The following IHH variants were observed in gnomAD, a reference collection of about 807,000 sequenced individuals.
IHH encodes the protein Indian hedgehog signaling molecule, also known as indian hedgehog protein.
In IHH, 9 loss-of-function variants were observed where a neutral mutation model predicts 29.4. That is an observed-to-expected ratio of 0.31 (90% confidence interval 0.18 to 0.53). The LOEUF is 0.53. Ranked by LOEUF, IHH falls within the 20% of genes least tolerant of loss-of-function variation. IHH has a pLI of 0.95. For missense variants in IHH, 454 were observed against 578.1 expected (o/e 0.79, Z 2.20); for synonymous variants, 254 against 252.7 (o/e 1.01, Z -0.05).
Position 219,055,168 on chromosome 2 carries a change from C to T in IHH, c.*39G>A. 1 of 1,549,792 alleles carries T rather than the reference C, an allele frequency of 6.5e-7. No homozygotes were observed. Among genetic ancestry groups the T allele is most frequent in the Non-Finnish European group, 8.7e-7 (1 of 1,146,372 alleles). On this transcript the variant is annotated 3_prime_UTR_variant, in exon 3 of 3. Coordinates refer to ENST00000295731, the MANE Select transcript of IHH (RefSeq NM_002181.4). The stretch of plus-strand genomic sequence containing the variant: ...CCTCCTGGCTGAGAGGCTTCTGGAC[C>T]CAGTACAGCAGTTCCAGGAGGGCAG...
chr2:219,060,123 C>T lies in IHH; in HGVS notation c.315+30G>A, dbSNP rs753602386. 8.2e-6 allele frequency: 13 copies of T among 1,586,086 alleles called. No individual in the cohort carries two copies. In the South Asian group the frequency reaches 1.2e-4, roughly 15 times the overall value. ...CGGGCAGGTGGCCGTGCTTCGGTGGCGGCGCGCTGGTAGGGCGGATCGCGC... is the reference window on the plus strand; with the variant it reads ...CGGGCAGGTGGCCGTGCTTCGGTGGTGGCGCGCTGGTAGGGCGGATCGCGC... On this transcript the variant is annotated intron_variant, in intron 1 of 2. Coordinates refer to ENST00000295731, the MANE Select transcript of IHH (RefSeq NM_002181.4). This position sits in a 1 kb window ranked among gnomAD's most constrained non-coding sequence, Gnocchi z 8.8.
rs200792119 is a variant in IHH, at chr2:219,055,627, T to C, written c.816A>G (p.Thr272=). 4.2e-5 allele frequency: 68 copies of C among 1,613,806 alleles called. No homozygotes were observed. The East Asian group carries it at 1.5e-3, about 36-fold the overall frequency. The change falls in exon 3 of 3, where the codon ACA becomes ACG. Residue 272 remains threonine, a synonymous_variant. Transcript: ENST00000295731. ...TQDPPRRLAL[T]PAHLLFTADN... ...CAGCCGTAAAGAGCAGGTGAGCGGG[T>C]GTGAGTGCCAGGCGGCGTGGGGGGT...
At position 219,059,991 on chromosome 2, in the gene IHH, C is replaced by T. The variant is rs1948866198; in HGVS notation, c.315+162G>A. 6.6e-6 allele frequency among the ~76,000 whole-genome samples: 1 copy of T among 152,132 alleles called. No homozygotes were observed. Among genetic ancestry groups the T allele is most frequent in the Non-Finnish European group, 1.5e-5 (1 of 68,010 alleles). ...GGGATGCCGACACTCCTGCCTGGAC[C>T]CCTGGCCAGCCCATCTTGGGCAGGA... On this transcript the variant is annotated intron_variant, in intron 1 of 2. Coordinates refer to ENST00000295731, the MANE Select transcript of IHH (RefSeq NM_002181.4). The surrounding 1 kb of genome is among the most constrained non-coding windows in gnomAD (Gnocchi z 4.7).
Position 219,057,790 on chromosome 2 carries a change from C to T in IHH, c.316-96G>A, listed in dbSNP as rs533201998. 1.2e-4 allele frequency: 184 copies of T among 1,519,336 alleles called. 3 individuals are homozygous for T. In the South Asian group the frequency reaches 1.8e-3, roughly 15 times the overall value. The allele number at this position is 1,519,336 out of a possible 1,614,324, so 94.1% of individuals were successfully genotyped here. On this transcript the variant is annotated intron_variant, in intron 1 of 2. Coordinates refer to ENST00000295731, the MANE Select transcript of IHH (RefSeq NM_002181.4). ...AGGCGCAGCCTCGCCCAGAACTCTC[C>T]CGCCACACCCAAGGGAGCTGGAAGC... is the stretch of plus-strand genomic sequence containing the variant.
At chr2:219,057,383 C>G in intron 2 of IHH, 50 bp downstream of exon 2, 1 of 1,548,072 alleles carries the variant, frequency 6.5e-7, no homozygotes, top group Non-Finnish European at 8.7e-7. Context: ...CTCCTCCTGC[C>G]CATGCCCTGC....
rs771656568 is a variant in IHH at position 219,055,370 on chromosome 2, T to G, written c.1073A>C (p.Gln358Pro). ...GAGTCTCAGGGGCCAGAAGGCCAAC[T>G]GAGCCAGGTGGTGGTCAGCCACGGC... ...FAAVADHHLA[Q>P]LAFWPLRLFH... The change falls in exon 3 of 3, where the codon CAG becomes CCG. Residue 358 changes from glutamine (Q) to proline (P), a missense_variant. Gln to Pro is a moderately conservative substitution (Grantham distance 76). Coordinates refer to ENST00000295731, the MANE Select transcript of IHH (RefSeq NM_002181.4). The G allele has an allele frequency of 1.9e-6, 3 of 1,613,238 alleles. No individual in the cohort carries two copies. The highest frequency in any genetic ancestry group is 1.7e-6 in the Non-Finnish European group (2 of 1,180,024).
chr2:219,060,599 G>C lies in IHH; in HGVS notation c.-132C>G, dbSNP rs1411585642. ...GGCTCCAGGCGGGGGCGCCATGGGC[G>C]GCGTGGTGCGGCCAGGGCCGGCGGG... On this transcript the variant is annotated 5_prime_UTR_variant, in exon 1 of 3. Coordinates refer to ENST00000295731, the MANE Select transcript of IHH (RefSeq NM_002181.4). The surrounding 1 kb of genome is among the most constrained non-coding windows in gnomAD (Gnocchi z 8.8). 2.0e-5 allele frequency: 10 copies of C among 505,336 alleles called. No individual in the cohort carries two copies. Among genetic ancestry groups the C allele is most frequent in the South Asian group, 1.4e-4 (2 of 14,294 alleles). The allele number at this position is 505,336 out of a possible 1,614,324, so 31.3% of individuals were successfully genotyped here. A position where few individuals can be genotyped will look rare whatever the true frequency, so the allele number is the denominator to read the frequency against.
rs763525609 is a variant in IHH at position 219,060,327 on chromosome 2, G to A, written c.141C>T (p.Leu47=). The change falls in exon 1 of 3, where the codon CTC becomes CTT. Residue 47 remains leucine (L), a synonymous_variant. Transcript: ENST00000295731. This position sits in a 1 kb window ranked among gnomAD's most constrained non-coding sequence, Gnocchi z 8.8. ...RRRPPRKLVP[L]AYKQFSPNVP... Reference sequence around the variant, plus strand: ...CATTGGGGCTGAACTGCTTGTAGGCGAGCGGCACGAGTTTGCGTGGCGGTC... The same window carrying A: ...CATTGGGGCTGAACTGCTTGTAGGCAAGCGGCACGAGTTTGCGTGGCGGTC... The A allele has an allele frequency of 3.1e-6, 5 of 1,611,252 alleles. No individual in the cohort carries two copies. In the South Asian group the frequency reaches 3.3e-5, roughly 11 times the overall value.
At chr2:219,057,868 C>T (rs889769266) in intron 1 of IHH, among the ~76,000 whole-genome samples, 174 bp from the exon 2 acceptor site, 2 of 152,256 alleles carry the variant, frequency 1.3e-5, no homozygotes, top group African/African-American at 4.8e-5. Context: ...GAAGTGCTCC[C>T]TCCCTAGCAT....
rs1385423703 is a variant in IHH at position 219,059,127 on chromosome 2, CG to C, written c.315+1025del. On this transcript the variant is annotated intron_variant, in intron 1 of 2. Coordinates refer to ENST00000295731, the MANE Select transcript of IHH (RefSeq NM_002181.4). This position sits in a 1 kb window ranked among gnomAD's most constrained non-coding sequence, Gnocchi z 4.7. ...CCGGATCCTTATCTGCATTCCTCGG[CG>C]CCCGGCCCGGCCCGGCCACCAGCCA... Among the ~76,000 whole-genome samples, 3 of 152,224 alleles carry C rather than the reference CG, an allele frequency of 2.0e-5. No homozygotes were observed. The East Asian group carries it at 5.8e-4, about 29-fold the overall frequency.
chr2:219,055,825 G>C lies in IHH; in HGVS notation c.618C>G (p.Ala206=). ...AAAKTGGCFP[A]GAQVRLESGA... ...CACTCTCCAGGCGTACCTGGGCTCC[G>C]GCAGGGAAGCAGCCGCCCGTCTTGG... Residue 206 remains alanine, a synonymous_variant, in exon 3 of 3, where the codon GCC becomes GCG. Coordinates refer to ENST00000295731, the MANE Select transcript of IHH (RefSeq NM_002181.4). 1 of 1,611,814 alleles carries C rather than the reference G, an allele frequency of 6.2e-7. No homozygotes were observed. Among genetic ancestry groups the C allele is most frequent in the Middle Eastern group, 1.7e-4 (1 of 6,058 alleles).
rs1948816288 is a variant in IHH, at chr2:219,054,961, C to G, written c.*246G>C. The G allele has an allele frequency of 1.8e-6, 1 of 570,276 alleles. No homozygotes were observed. The highest frequency in any genetic ancestry group is 3.1e-6 in the Non-Finnish European group (1 of 318,486). The allele number at this position is 570,276 out of a possible 1,614,324, so 35.3% of individuals were successfully genotyped here. A position where few individuals can be genotyped will look rare whatever the true frequency, so the allele number is the denominator to read the frequency against. ...GGAGTCGCCGTGCCAGCCTCAAGGTCTCTAGGAGAGAGGGGTCAACAACCA... is the reference window on the plus strand; with the variant it reads ...GGAGTCGCCGTGCCAGCCTCAAGGTGTCTAGGAGAGAGGGGTCAACAACCA... On this transcript the variant is annotated 3_prime_UTR_variant, in exon 3 of 3. Coordinates refer to ENST00000295731, the MANE Select transcript of IHH (RefSeq NM_002181.4).
chr2:219,057,062 G>T (rs1427612102), intron 2 of IHH, among the ~76,000 whole-genome samples: 1 of 152,196 alleles, frequency 6.6e-6, no homozygotes, highest in Non-Finnish European at 1.5e-5. Context: ...CCCGGCTCCT[G>T]GCCCCACCAC....
rs1325176864 is a variant in IHH at position 219,059,534 on chromosome 2, A to G, written c.315+619T>C. ...CAATAACCCACCCTTCCACCGCAGT[A>G]GCACCCCTCAGCTCTCCGGACAGAC... On this transcript the variant is annotated intron_variant, in intron 1 of 2. Coordinates refer to ENST00000295731, the MANE Select transcript of IHH (RefSeq NM_002181.4). This position sits in a 1 kb window ranked among gnomAD's most constrained non-coding sequence, Gnocchi z 4.7. Among the ~76,000 whole-genome samples the G allele has an allele frequency of 6.6e-6, 1 of 152,048 alleles. No individual in the cohort carries two copies. The highest frequency in any genetic ancestry group is 1.5e-5 in the Non-Finnish European group (1 of 67,982).
intron 1 of IHH, chr2:219,058,839 C>G (rs1008776178): frequency 1.3e-5 from 2 of 154,978 alleles, no homozygotes; most frequent in African/African-American, 4.8e-5. Flanking sequence ...CTCACAGACC[C>G]TTGGACTCAG....
In IHH at chr2:219,054,725, C is replaced by T; in HGVS notation, c.*482G>A. 5.7e-6 allele frequency: 1 copy of T among 176,908 alleles called. No individual in the cohort carries two copies. Among genetic ancestry groups the T allele is most frequent in the Non-Finnish European group, 1.2e-5 (1 of 83,052 alleles). 11.0% of individuals were successfully genotyped at this position (176,908 alleles called of 1,614,324 possible). On this transcript the variant is annotated 3_prime_UTR_variant, in exon 3 of 3. Coordinates refer to ENST00000295731, the MANE Select transcript of IHH (RefSeq NM_002181.4). ...AGTGTGGCCGGGGAGGAATGTCATA[C>T]CTCAGAATGGCCGGGATGGCTGCCC...
At position 219,057,614 on chromosome 2, in the gene IHH, G is replaced by A; in HGVS notation, c.396C>T (p.Gly132=). 1.2e-6 allele frequency: 2 copies of A among 1,613,892 alleles called. No homozygotes were observed. The highest frequency in any genetic ancestry group is 1.7e-6 in the Non-Finnish European group (2 of 1,180,040). ...CTGAGTGGTGGCCGTCCTCGTCCCA[G>A]CCCTCGGTCACCCGCAGCTTCACAC... ...WPGVKLRVTE[G]WDEDGHHSEE... Residue 132 remains glycine, a synonymous_variant, in exon 2 of 3, where the codon GGC becomes GGT. Transcript: ENST00000295731.
At chr2:219,056,706 C>T (rs1948835792) in intron 2 of IHH, among the ~76,000 whole-genome samples, 1 of 152,130 alleles carries the variant, frequency 6.6e-6, no homozygotes, top group South Asian at 2.1e-4. Context: ...AAAGGCTGAG[C>T]CGGCAGCCAG....
At position 219,055,594 on chromosome 2, in the gene IHH, G is replaced by A. The variant is rs1457337975; in HGVS notation, c.849C>T (p.His283=). 32 of 1,613,840 alleles carry A rather than the reference G, an allele frequency of 2.0e-5. No individual in the cohort carries two copies. In the East Asian group the frequency reaches 6.9e-4, roughly 35 times the overall value. The change falls in exon 3 of 3, where the codon CAC becomes CAT. Residue 283 remains histidine (H), a synonymous_variant. Coordinates refer to ENST00000295731, the MANE Select transcript of IHH (RefSeq NM_002181.4). ...CCCGGAAGCGGGCTGCCGGCTCCGT[G>A]TGATTGTCAGCCGTAAAGAGCAGGT... ...PAHLLFTADN[H]TEPAARFRAT...
Sources: allele counts gnomAD v4.1 joint callset (sites outside exome capture counted in the v4.1 genomes callset), GRCh38; gene constraint gnomAD v4.1.1; non-coding constraint Gnocchi (gnomAD v3.1); transcripts MANE v1.5; gene names NCBI Gene and HGNC (gene_info 2026-07-23, HGNC 2026-07-21).